Variants in AMMECR1 observed in about 807,000 individuals in gnomAD.
AMMECR1 encodes AMMECR nuclear protein 1.
In AMMECR1, 3 loss-of-function variants were observed where a neutral mutation model predicts 22.5. The ratio of observed to expected loss-of-function variants is 0.13; its 90% confidence interval spans 0.06 to 0.35. The LOEUF (loss-of-function observed/expected upper bound fraction) is 0.35. Among genes scored for constraint, AMMECR1 ranks in the 10% least tolerant of loss-of-function variants. The pLI, the probability that AMMECR1 is intolerant of heterozygous loss-of-function variation, is 1.00. For missense variants in AMMECR1, 235 were observed against 278.7 expected (o/e 0.84, Z 1.12); for synonymous variants, 130 against 116.7 (o/e 1.11, Z -0.74).
At chrX:110,377,364 G>A (rs1167509975) in intron 2 of AMMECR1, among the ~76,000 whole-genome samples, 1 of 111,596 alleles carries the variant, frequency 9.0e-6, no homozygotes, top group East Asian at 2.8e-4. Context: ...GCGAAACACC[G>A]ATACCTACAG....
intron 3 of AMMECR1, among the ~76,000 whole-genome samples, chrX:110,208,096 T>C (rs932995615): frequency 1.4e-4 from 16 of 112,475 alleles, no homozygotes; most frequent in African/African-American, 4.5e-4. Context: ...GACGTAAAAA[T>C]TATTTTTCTC....
At chrX:110,423,930 C>G (rs986203679) in intron 2 of AMMECR1, among the ~76,000 whole-genome samples, 5 of 112,391 alleles carry the variant, frequency 4.4e-5, no homozygotes, top group Admixed American at 9.4e-5. Context: ...TAAAGGATGT[C>G]TGTAGTTTTT....
At chrX:110,218,416 A>G (rs1158724470) in intron 2 of AMMECR1, among the ~76,000 whole-genome samples, 1 of 110,827 alleles carries the variant, frequency 9.0e-6, no homozygotes, top group Non-Finnish European at 1.9e-5. Context: ...GCCATTGTTA[A>G]GTATATAGTT....
At chrX:110,338,766 C>A (rs12848114) in intron 2 of AMMECR1, among the ~76,000 whole-genome samples, 1 of 111,082 alleles carries the variant, frequency 9.0e-6, no homozygotes, top group Non-Finnish European at 1.9e-5. Flanking sequence ...GAAAATTGTC[C>A]TTTAATATTT....
chrX:110,413,250 G>GT (rs1182053569), intron 2 of AMMECR1, among the ~76,000 whole-genome samples: 1 of 111,129 alleles, frequency 9.0e-6, no homozygotes, highest in African/African-American at 3.3e-5. Flanking sequence ...GAGCACTATT[G>GT]TCTACCTCCG....
At chrX:110,429,348 G>A (rs1323657356) in intron 1 of AMMECR1, among the ~76,000 whole-genome samples, 4 of 110,877 alleles carry the variant, frequency 3.6e-5, no homozygotes, top group East Asian at 5.6e-4. Context: ...CCAAAAAACA[G>A]TAGACACTGC....
intron 1 of AMMECR1, among the ~76,000 whole-genome samples, chrX:110,438,053 T>A (rs2068852035): frequency 9.0e-6 from 1 of 111,666 alleles, no homozygotes; most frequent in Admixed American, 9.5e-5. Flanking sequence ...AAGAATAGAA[T>A]CTTCCCTTTC....
intron 2 of AMMECR1, among the ~76,000 whole-genome samples, chrX:110,399,257 C>T (rs2068548660): frequency 8.9e-6 from 1 of 112,604 alleles, no homozygotes; most frequent in Admixed American, 9.4e-5. Context: ...AAGGTAGGCA[C>T]ATTCAACCCC....
chrX:110,377,913 G>T (rs2068389160), intron 2 of AMMECR1, among the ~76,000 whole-genome samples: 2 of 105,140 alleles, frequency 1.9e-5, no homozygotes, highest in Non-Finnish European at 3.9e-5. Context: ...GGAGGCTGAG[G>T]CAGGAGAATG....
At chrX:110,316,048 G>A (rs1373882676) in intron 1 of AMMECR1, among the ~76,000 whole-genome samples, 1 of 112,125 alleles carries the variant, frequency 8.9e-6, no homozygotes, top group Non-Finnish European at 1.9e-5. Context: ...ATATTTATTT[G>A]ACGAAGTGTT....
chrX:110,347,283 C>T (rs1487696009), intron 2 of AMMECR1, among the ~76,000 whole-genome samples: 2 of 113,033 alleles, frequency 1.8e-5, no homozygotes, highest in African/African-American at 3.2e-5. Flanking sequence ...GCTTTCATGC[C>T]ATCTTTCCCC....
intron 1 of AMMECR1, among the ~76,000 whole-genome samples, chrX:110,268,239 T>G (rs2067779722): frequency 8.9e-6 from 1 of 111,915 alleles, no homozygotes; most frequent in African/African-American, 3.2e-5. Context: ...CCAGGCAACA[T>G]CCACTTTGGG....
At chrX:110,298,535 G>A (rs2067949210) in intron 1 of AMMECR1, among the ~76,000 whole-genome samples, 1 of 110,852 alleles carries the variant, frequency 9.0e-6, no homozygotes, top group Non-Finnish European at 1.9e-5. Flanking sequence ...GAGAGAGAGA[G>A]AAGAGTAAGC....
chrX:110,339,112 C>A (rs1464104448), intron 2 of AMMECR1, among the ~76,000 whole-genome samples: 1 of 111,441 alleles, frequency 9.0e-6, no homozygotes, highest in Non-Finnish European at 1.9e-5. Flanking sequence ...TCACTGGTGC[C>A]AACCACTCTA....
At chrX:110,412,987 G>A (rs1023886935) in intron 2 of AMMECR1, among the ~76,000 whole-genome samples, 1 of 111,910 alleles carries the variant, frequency 8.9e-6, no homozygotes, top group Non-Finnish European at 1.9e-5. Flanking sequence ...AAAAAGCTCC[G>A]TTTGGAATTC....
At chrX:110,210,721 C>T (rs2067444075) in intron 3 of AMMECR1, among the ~76,000 whole-genome samples, 1 of 112,263 alleles carries the variant, frequency 8.9e-6, no homozygotes, top group South Asian at 3.7e-4. Context: ...TGCAACTGAA[C>T]ACGTCAGAAT....
chrX:110,395,394 A>G (rs2068521926), intron 2 of AMMECR1, among the ~76,000 whole-genome samples: 1 of 111,906 alleles, frequency 8.9e-6, no homozygotes, highest in Non-Finnish European at 1.9e-5. Context: ...CTCCCTGAAC[A>G]ATAGCAGTGC....
intron 2 of AMMECR1, among the ~76,000 whole-genome samples, chrX:110,333,797 C>A (rs1388465712): frequency 9.5e-6 from 1 of 105,493 alleles, no homozygotes; most frequent in Non-Finnish European, 2.0e-5. Context: ...CATGGGGGTG[C>A]AGGGCTCATC....
At chrX:110,414,507 T>C (rs2068663702) in intron 2 of AMMECR1, among the ~76,000 whole-genome samples, 1 of 113,042 alleles carries the variant, frequency 8.8e-6, no homozygotes, top group African/African-American at 3.2e-5. Context: ...TTTCATTTAA[T>C]CCTGCCAGCA....
Sources: gnomAD v4.1 joint callset for allele counts (sites outside exome capture counted in the v4.1 genomes callset) on GRCh38, gnomAD v4.1.1 for gene constraint, MANE v1.5 for transcripts, NCBI Gene and HGNC (gene_info 2026-07-23, HGNC 2026-07-21) for gene names.